Variants in CDH3 observed in about 807,000 individuals in gnomAD.
CDH3 encodes cadherin-3.
CDH3 carries 54 observed loss-of-function variants against 82.0 expected under a neutral mutation model. That is an observed-to-expected ratio of 0.66 (90% CI 0.53 to 0.83). The LOEUF (loss-of-function observed/expected upper bound fraction) is 0.83, where lower values mean the gene tolerates loss of function less well. Ranked by LOEUF, CDH3 falls within the 40% of genes least tolerant of loss-of-function variation. The pLI, the probability that CDH3 is intolerant of heterozygous loss-of-function variation, is 0.00. For synonymous variants in CDH3, 446 were observed against 437.9 expected, an observed-to-expected ratio of 1.02 and a Z score of -0.23; for missense variants, 1,054 against 1,084.6, an observed-to-expected ratio of 0.97 and a Z score of 0.40.
rs111855230 is a variant in CDH3 at position 68,682,626 on chromosome 16, T to G, written c.1182+139T>G. On this transcript the variant is annotated intron_variant, in intron 9 of 15. Transcript: ENST00000264012. ...GTGGCTCCCAACACTGTTCTACCAC[T>G]CTTGTGTTGGGAAGTCCCTTTGTTC... 1,765 of 803,832 alleles carry G rather than the reference T, an allele frequency of 2.2e-3. 4 individuals are homozygous for G. Among genetic ancestry groups the G allele is most frequent in the Non-Finnish European group, 3.2e-3 (1,513 of 469,432 alleles). 49.8% of individuals were successfully genotyped at this position (803,832 alleles called of 1,614,324 possible). A position where few individuals can be genotyped will look rare whatever the true frequency, so the allele number is the denominator to read the frequency against.
intron 1 of CDH3, among the ~76,000 whole-genome samples, chr16:68,715,901 T>G (rs1406568144): frequency 1.3e-5 from 2 of 152,172 alleles, no homozygotes; most frequent in African/African-American, 4.8e-5. Flanking sequence ...CTTGGAGAAG[T>G]TCATCTTAAA....
chr16:68,679,744 T>C lies in CDH3; in HGVS notation c.692-55T>C. 2.9e-6 allele frequency: 3 copies of C among 1,029,794 alleles called. No individual in the cohort carries two copies. The Admixed American group carries it at 5.3e-5, about 18-fold the overall frequency. The allele number at this position is 1,029,794 out of a possible 1,614,324, so 63.8% of individuals were successfully genotyped here. A position where few individuals can be genotyped will look rare whatever the true frequency, so the allele number is the denominator to read the frequency against. On this transcript the variant is annotated intron_variant, in intron 6 of 15. Coordinates refer to ENST00000264012, the MANE Select transcript of CDH3 (RefSeq NM_001793.6). ...GAAAAGAAAAAAAGAGTTCCAGAAG[T>C]AGACAGGGCTGGAGTTGGAACTGGG...
At chr16:68,723,658 C>A (rs983490214) in intron 2 of CDH3, among the ~76,000 whole-genome samples, 2 of 152,324 alleles carry the variant, frequency 1.3e-5, no homozygotes, top group Non-Finnish European at 1.5e-5. Flanking sequence ...AGGCCAGACA[C>A]GGTGGCTCAC....
At chr16:68,726,386 T>C (rs941063202) in intron 2 of CDH3, among the ~76,000 whole-genome samples, 1 of 152,116 alleles carries the variant, frequency 6.6e-6, no homozygotes, top group African/African-American at 2.4e-5. Flanking sequence ...TTCTCTTGGC[T>C]GCCCCGGAGT....
At chr16:68,686,306 C>T in intron 11 of CDH3, 1 of 782,038 alleles carries the variant, frequency 1.3e-6, no homozygotes, top group Middle Eastern at 2.6e-4. Context: ...TCACGTGTCG[C>T]CAGGGTCAGA....
At chr16:68,658,406 C>T (rs1960466920) in intron 2 of CDH3, among the ~76,000 whole-genome samples, 1 of 152,134 alleles carries the variant, frequency 6.6e-6, no homozygotes, top group South Asian at 2.1e-4. Flanking sequence ...AGTCCAAGCT[C>T]CTCAGCCTTG....
chr16:68,693,902 C>G lies in CDH3; in HGVS notation c.2003-1353C>G, dbSNP rs201131263. On this transcript the variant is annotated intron_variant, in intron 13 of 15. Transcript: ENST00000264012. The stretch of plus-strand genomic sequence containing the variant: ...GGATCCCCAGTTGGCCAGTTCCCCC[C>G]ATGTCCAAATAGCCTGCCAGCCTTT... 2.6e-5 allele frequency among the ~76,000 whole-genome samples: 4 copies of G among 152,244 alleles called. No homozygotes were observed. The East Asian group carries it at 5.8e-4, about 22-fold the overall frequency.
chr16:68,691,983 C>T, intron 13 of CDH3, 57 bp downstream of exon 13: 1 of 1,398,970 alleles, frequency 7.1e-7, no homozygotes, highest in Non-Finnish European at 1.0e-6. Flanking sequence ...AGACTGGATT[C>T]TACCTTGAGC....
At chr16:68,661,109 T>C (rs1597795669) in intron 2 of CDH3, among the ~76,000 whole-genome samples, 1 of 152,236 alleles carries the variant, frequency 6.6e-6, no homozygotes, top group African/African-American at 2.4e-5. Flanking sequence ...CTCTCCAGCT[T>C]TGAAATTATG....
At chr16:68,683,073 T>A (rs893127728) in intron 9 of CDH3, among the ~76,000 whole-genome samples, 8 of 151,808 alleles carry the variant, frequency 5.3e-5, no homozygotes. Flanking sequence ...CATAGCAAGA[T>A]CCCATCAGCA....
intron 2 of CDH3, chr16:68,651,675 G>T: frequency 2.0e-6 from 1 of 509,876 alleles, no homozygotes. Flanking sequence ...GCTGACTATG[G>T]CCTTGATGAA....
At chr16:68,684,939 C>T (rs1843969664) in intron 10 of CDH3, 115 bp downstream of exon 10, 4 of 1,370,070 alleles carry the variant, frequency 2.9e-6, no homozygotes, top group Non-Finnish European at 4.1e-6. Flanking sequence ...AATATCCCTC[C>T]TGCATAGGTT....
At chr16:68,667,583 A>G (rs1960769730) in intron 2 of CDH3, among the ~76,000 whole-genome samples, 1 of 152,226 alleles carries the variant, frequency 6.6e-6, no homozygotes, top group South Asian at 2.1e-4. Context: ...CCTTGGGAGT[A>G]TGGAGGTGTC....
chr16:68,651,573 G>T (rs1050515820), intron 2 of CDH3: 2 of 488,216 alleles, frequency 4.1e-6, no homozygotes, highest in Non-Finnish European at 8.1e-6. Context: ...GGCCTTCCCC[G>T]CCAGGGCAAG....
chr16:68,698,487 G>C lies in CDH3; in HGVS notation c.*87G>C, dbSNP rs555473968. ...AGTTCCCCCTTCAGCTGAGGACTTC[G>C]GAGCTTGTCAGGAAGTGGCCGTAGC... On this transcript the variant is annotated 3_prime_UTR_variant, in exon 16 of 16. Coordinates refer to ENST00000264012, the MANE Select transcript of CDH3 (RefSeq NM_001793.6). The C allele has an allele frequency of 1.2e-3, 1,564 of 1,260,110 alleles. 3 individuals carry two copies. Among genetic ancestry groups the C allele is most frequent in the Non-Finnish European group, 1.7e-3 (1,460 of 870,756 alleles). 78.1% of individuals were successfully genotyped at this position (1,260,110 alleles called of 1,614,324 possible).
At chr16:68,653,240 TA>T (rs1310534176) in intron 2 of CDH3, among the ~76,000 whole-genome samples, 2 of 140,578 alleles carry the variant, frequency 1.4e-5, no homozygotes, top group African/African-American at 2.8e-5. Context: ...TATTTTATTT[TA>T]TTTTATTTTA....
chr16:68,728,893 T>C (rs1389851109), downstream of CDH3, among the ~76,000 whole-genome samples: 3 of 152,184 alleles, frequency 2.0e-5, no homozygotes, highest in East Asian at 3.8e-4. Context: ...TTATAAAATA[T>C]TTTTGCCTAA....
chr16:68,710,759 C>T (rs1567462839), intron 1 of CDH3, among the ~76,000 whole-genome samples: 1 of 150,794 alleles, frequency 6.6e-6, no homozygotes, highest in African/African-American at 2.4e-5. Context: ...CAGGAGTAAT[C>T]GTTTGAACCC....
intron 1 of CDH3, among the ~76,000 whole-genome samples, chr16:68,708,272 A>C (rs1961988453): frequency 6.6e-6 from 1 of 152,046 alleles, no homozygotes; most frequent in Non-Finnish European, 1.5e-5. Context: ...GGTTGCAGCA[A>C]GTCGAGATCC....
Sources: allele counts gnomAD v4.1 joint callset (sites outside exome capture counted in the v4.1 genomes callset), GRCh38; gene constraint gnomAD v4.1.1; transcripts MANE v1.5; gene names NCBI Gene and HGNC (gene_info 2026-07-23, HGNC 2026-07-21).